Variants in PFKP observed in about 807,000 individuals in gnomAD.
The protein encoded by PFKP is phosphofructokinase, platelet.
Under a neutral mutation model 94.3 loss-of-function variants are expected in PFKP, and 101 were observed. The observed-to-expected ratio is 1.07, with a 90% CI of 0.91 to 1.26. The LOEUF (loss-of-function observed/expected upper bound fraction) is 1.26, where lower values mean the gene tolerates loss of function less well. Ranked by LOEUF, PFKP falls within the 50% of genes most tolerant of loss-of-function variation. PFKP has a pLI of 0.00. For missense variants in PFKP, 1,145 were observed against 1,103.3 expected (o/e 1.04, Z -0.53); for synonymous variants, 573 against 432.6 (o/e 1.32, Z -4.03).
In PFKP at chr10:3,097,125, C is replaced by T. The variant is rs149685107; in HGVS notation, c.187-2150C>T. ...CCTGGGAGTTTGGGGTGGTAGAGAT[C>T]ACTGAAACTGCAACCCCAAGGCTAG... On this transcript the variant is annotated intron_variant, in intron 2 of 21. Coordinates refer to ENST00000381125, the MANE Select transcript of PFKP (RefSeq NM_002627.5). 2.4e-3 allele frequency among the ~76,000 whole-genome samples: 354 copies of T among 148,374 alleles called. 5 individuals carry two copies. The highest frequency in any genetic ancestry group is 3.5e-3 in the Middle Eastern group (1 of 286).
Position 3,118,855 on chromosome 10 carries a change from A to G in PFKP, c.1516A>G (p.Ile506Val). The change falls in exon 15 of 22, where the codon ATC becomes GTC. Residue 506 changes from isoleucine (I) to valine (V), a missense_variant. This residue lies in a region of PFKP where 1,119 missense variants were observed against 1,062.8 expected (regional missense o/e 1.05). Coordinates refer to ENST00000381125, the MANE Select transcript of PFKP (RefSeq NM_002627.5). ...GCACAGCATCAACGCGCTGCTGATC[A>G]TCGGTGGATTCGAGGTACGTTACCG... ...RTHSINALLI[I>V]GGFEAYLGLL... 6.2e-7 allele frequency: 1 copy of G among 1,612,846 alleles called. No individual in the cohort carries two copies.
intron 13 of PFKP, among the ~76,000 whole-genome samples, chr10:3,113,821 G>A (rs1345940446): frequency 2.0e-5 from 3 of 150,690 alleles, no homozygotes; most frequent in Non-Finnish European, 4.4e-5. Flanking sequence ...GCGTTGTCTC[G>A]GAGGCTGTGG....
intron 1 of PFKP, among the ~76,000 whole-genome samples, chr10:3,079,383 C>T (rs945128634): frequency 3.3e-5 from 5 of 152,028 alleles, no homozygotes; most frequent in African/African-American, 7.2e-5. Flanking sequence ...TACAGGTGCC[C>T]GCCACCACGC....
At chr10:3,070,041 C>A (rs1313678788) in intron 1 of PFKP, among the ~76,000 whole-genome samples, 1 of 152,252 alleles carries the variant, frequency 6.6e-6, no homozygotes, top group Non-Finnish European at 1.5e-5. Context: ...CTGCCCTCAG[C>A]TCTGCAGGTG....
At chr10:3,111,842 C>G (rs922904829) in intron 10 of PFKP, among the ~76,000 whole-genome samples, 1 of 152,128 alleles carries the variant, frequency 6.6e-6, no homozygotes, top group African/African-American at 2.4e-5. Context: ...TTGTTTTTCC[C>G]CACCATAATC....
intron 9 of PFKP, 94 bp from the exon 10 acceptor site, chr10:3,109,261 G>C (rs1455074581): frequency 3.9e-6 from 6 of 1,537,840 alleles, no homozygotes; most frequent in Non-Finnish European, 5.3e-6. Flanking sequence ...GTGAGCACCT[G>C]ACTGAGGTCA....
rs927828521 is a variant in PFKP, at chr10:3,102,015, G to A, written c.454+461G>A. ...GCCTGTAATCCCAGCACTTTGGGAG[G>A]CCGAGGCGGGCGGATCACGAGGTCA... is the stretch of plus-strand genomic sequence containing the variant. On this transcript the variant is annotated intron_variant, in intron 4 of 21. Transcript: ENST00000381125. Among the ~76,000 whole-genome samples, 9 of 150,642 alleles carry A rather than the reference G, an allele frequency of 6.0e-5. No individual in the cohort carries two copies. The East Asian group carries it at 1.6e-3, about 26-fold the overall frequency.
intron 2 of PFKP, among the ~76,000 whole-genome samples, chr10:3,089,350 G>T (rs1588430542): frequency 1.3e-5 from 2 of 152,252 alleles, no homozygotes; most frequent in Admixed American, 1.3e-4. Context: ...CGTTTTCTTT[G>T]TCCATTTATC....
At position 3,082,232 on chromosome 10, in the gene PFKP, T is replaced by A. The variant is rs1397874255; in HGVS notation, c.113-156T>A. On this transcript the variant is annotated intron_variant, in intron 1 of 21. Coordinates refer to ENST00000381125, the MANE Select transcript of PFKP (RefSeq NM_002627.5). ...TTACGTTGGCTGTTTCTTTTAGTCC[T>A]TACCCTAATCCCAGAGGAGTGTGTG... Among the ~76,000 whole-genome samples, 9 of 152,228 alleles carry A rather than the reference T, an allele frequency of 5.9e-5. No homozygotes were observed. The East Asian group carries it at 1.7e-3, about 29-fold the overall frequency.
In PFKP at chr10:3,105,478, C is replaced by T. The variant is rs762169606; in HGVS notation, c.751C>T (p.Gln251Ter). Residue 251 changes from glutamine (Q) to a stop codon, truncating the protein, a stop_gained, in exon 7 of 22, where the codon CAG (glutamine) becomes TAG (stop). Transcript: ENST00000381125. LOFTEE classifies it high-confidence loss of function. ...TCCACCAGAGGAAGGCTGGGAGGAGCAGATGTGTGTCAAACTCTCGGAGGT... is the reference window on the plus strand; with the variant it reads ...TCCACCAGAGGAAGGCTGGGAGGAGTAGATGTGTGTCAAACTCTCGGAGGT... The part of the protein sequence containing the change: ...ESPPEEGWEE[Q>*]MCVKLSENRA... The T allele has an allele frequency of 1.9e-6, 3 of 1,613,352 alleles. No homozygotes were observed. Among genetic ancestry groups the T allele is most frequent in the Non-Finnish European group, 2.5e-6 (3 of 1,179,408 alleles).
At chr10:3,068,801 G>T (rs949540980) in intron 1 of PFKP, 6 of 616,320 alleles carry the variant, frequency 9.7e-6, no homozygotes, top group Non-Finnish European at 1.2e-5. Flanking sequence ...GCGCAGGCTG[G>T]AGACGCGGCG....
intron 2 of PFKP, among the ~76,000 whole-genome samples, chr10:3,090,280 G>A (rs1833940953): frequency 6.6e-6 from 1 of 152,174 alleles, no homozygotes; most frequent in Admixed American, 6.5e-5. Flanking sequence ...GCCATCGTGG[G>A]CCTGCAGGAC....
chr10:3,101,897 G>A (rs1458141582), intron 4 of PFKP, among the ~76,000 whole-genome samples: 2 of 152,196 alleles, frequency 1.3e-5, no homozygotes, highest in African/African-American at 2.4e-5. Flanking sequence ...AGCAGCCTGG[G>A]ACACTAGCAT....
At chr10:3,106,184 A>G (rs2131566133) in intron 7 of PFKP, among the ~76,000 whole-genome samples, 2 of 152,194 alleles carry the variant, frequency 1.3e-5, no homozygotes, top group Middle Eastern at 6.8e-3. Context: ...GGGAGATGGC[A>G]GGAAACTCTG....
At chr10:3,100,176 C>G (rs1258045261) in intron 3 of PFKP, among the ~76,000 whole-genome samples, 2 of 151,746 alleles carry the variant, frequency 1.3e-5, no homozygotes, top group African/African-American at 2.4e-5. Context: ...CACCTCGTCT[C>G]TTTGGTTGGA....
chr10:3,100,056 G>GGGGTGT (rs1554766544), intron 3 of PFKP, among the ~76,000 whole-genome samples: 5 of 137,804 alleles, frequency 3.6e-5, no homozygotes, highest in East Asian at 4.0e-4. Flanking sequence ...GTAGGTGTGT[G>GGGGTGT]GTGTGTGTGT....
chr10:3,125,070 GCTAAC>G, intron 16 of PFKP: 1 of 1,212,208 alleles, frequency 8.2e-7, no homozygotes, highest in South Asian at 1.6e-5. Flanking sequence ...CGGCACCCCC[GCTAAC>G]CGCTTGGCCC....
chr10:3,116,105 A>G (rs888791086), intron 13 of PFKP, among the ~76,000 whole-genome samples: 4 of 151,366 alleles, frequency 2.6e-5, no homozygotes, highest in Admixed American at 6.6e-5. Flanking sequence ...ATGTGGGAAA[A>G]AAAAGCCTGA....
intron 1 of PFKP, chr10:3,069,351 C>T: frequency 2.5e-6 from 4 of 1,587,512 alleles, no homozygotes; most frequent in Non-Finnish European, 3.4e-6. Context: ...GTGGAAATAG[C>T]CTGGCCCGCG....
Sources: gnomAD v4.1 joint callset for allele counts (sites outside exome capture counted in the v4.1 genomes callset) on GRCh38, gnomAD v4.1.1 for gene constraint, gnomAD v4.1.1 regional missense constraint, MANE v1.5 for transcripts, NCBI Gene and HGNC (gene_info 2026-07-23, HGNC 2026-07-21) for gene names.